ATP8B4: variants seen among roughly 807,000 people sequenced by gnomAD.
ATP8B4 encodes the protein ATPase phospholipid transporting 8B4 (putative).
In ATP8B4, 133 loss-of-function variants were observed where a neutral mutation model predicts 145.6. The observed-to-expected ratio is 0.91, with a 90% CI of 0.79 to 1.05. The LOEUF (loss-of-function observed/expected upper bound fraction) is 1.05, where lower values mean the gene tolerates loss of function less well. Ranked by LOEUF, ATP8B4 falls within the 50% of genes least tolerant of loss-of-function variation. ATP8B4 has a pLI of 0.00. For missense variants in ATP8B4, 1,458 were observed against 1,425.2 expected (o/e 1.02, Z -0.37); for synonymous variants, 507 against 492.9 (o/e 1.03, Z -0.38).
At chr15:50,077,285 T>C (rs574680489) in intron 2 of ATP8B4, among the ~76,000 whole-genome samples, 2 of 152,348 alleles carry the variant, frequency 1.3e-5, no homozygotes, top group African/African-American at 4.8e-5. Context: ...GCAAGTTGAG[T>C]CTGTCTTTTT....
intron 1 of ATP8B4, among the ~76,000 whole-genome samples, chr15:50,149,636 A>T (rs1362714005): frequency 6.6e-6 from 1 of 152,192 alleles, no homozygotes; most frequent in Non-Finnish European, 1.5e-5. Context: ...ATTAGAATGA[A>T]ATTCTAATAG....
intron 13 of ATP8B4, among the ~76,000 whole-genome samples, chr15:49,969,376 A>G (rs1171842606): frequency 6.6e-6 from 1 of 151,904 alleles, no homozygotes; most frequent in African/African-American, 2.4e-5. Context: ...ACAGACCACT[A>G]GCCAGAATAA....
intron 16 of ATP8B4, among the ~76,000 whole-genome samples, 193 bp from the exon 17 acceptor site, chr15:49,923,687 C>T (rs58343171): frequency 6.6e-6 from 1 of 152,192 alleles, no homozygotes; most frequent in Non-Finnish European, 1.5e-5. Flanking sequence ...TTAAGAAATG[C>T]TCCATCTACT....
rs2044358267 is a variant in ATP8B4 at position 50,152,284 on chromosome 15, G to A, written c.-43+29977C>T. ...GATGACAAAAACTTAGAATACCTGT[G>A]TTAAAAATCTGATGGAAGTGGATTA... On this transcript the variant is annotated intron_variant, in intron 1 of 3. Transcript: ENST00000558829. 2.0e-5 allele frequency among the ~76,000 whole-genome samples: 3 copies of A among 152,100 alleles called. No individual in the cohort carries two copies. In the South Asian group the frequency reaches 6.2e-4, roughly 32 times the overall value.
Position 50,163,362 on chromosome 15 carries a change from C to T in ATP8B4, c.-43+18899G>A, listed in dbSNP as rs114368731. On this transcript the variant is annotated intron_variant, in intron 1 of 3. Transcript: ENST00000558829. ...ATTGGGGGCACCCCAAGCCCAGTAACGTTGTGACTCTTGCAGACTCATACA... is the reference window on the plus strand; with the variant it reads ...ATTGGGGGCACCCCAAGCCCAGTAATGTTGTGACTCTTGCAGACTCATACA... Among the ~76,000 whole-genome samples, 938 of 152,362 alleles carry T rather than the reference C, an allele frequency of 6.2e-3. 10 individuals carry two copies. Among genetic ancestry groups the T allele is most frequent in the African/African-American group, 0.022 (907 of 41,578 alleles).
intron 9 of ATP8B4, among the ~76,000 whole-genome samples, chr15:49,989,693 C>T (rs1458296002): frequency 3.4e-5 from 5 of 147,926 alleles, no homozygotes; most frequent in Non-Finnish European, 6.0e-5. Flanking sequence ...AGTGTGGTCT[C>T]GGTGATGTAA....
intron 6 of ATP8B4, among the ~76,000 whole-genome samples, chr15:50,013,232 G>A (rs2048846807): frequency 6.6e-6 from 1 of 152,110 alleles, no homozygotes; most frequent in East Asian, 1.9e-4. Context: ...AAACATGAAA[G>A]CAGACACTCC....
intron 3 of ATP8B4, 114 bp from the exon 4 acceptor site, chr15:50,047,578 G>C (rs2051822389): frequency 1.4e-6 from 1 of 700,760 alleles, no homozygotes; most frequent in East Asian, 2.7e-5. Context: ...GGTTATCTAG[G>C]AAATTTCAAC....
At chr15:49,910,334 T>C (rs1429937474) in intron 20 of ATP8B4, among the ~76,000 whole-genome samples, 1 of 152,156 alleles carries the variant, frequency 6.6e-6, no homozygotes, top group Non-Finnish European at 1.5e-5. Flanking sequence ...AGACAAAGCC[T>C]ACATAACGTG....
intron 6 of ATP8B4, among the ~76,000 whole-genome samples, chr15:50,019,645 A>T (rs962233891): frequency 6.6e-6 from 1 of 152,150 alleles, no homozygotes; most frequent in African/African-American, 2.4e-5. Context: ...TTGACTGTCC[A>T]TGCTTTCTCC....
intron 14 of ATP8B4, among the ~76,000 whole-genome samples, chr15:49,940,602 A>C (rs2153476507): frequency 6.6e-6 from 1 of 152,272 alleles, no homozygotes; most frequent in Middle Eastern, 3.4e-3. Flanking sequence ...GACAAAGAAA[A>C]ATGAGGGTGG....
intron 3 of ATP8B4, among the ~76,000 whole-genome samples, chr15:50,072,477 A>G (rs2153633258): frequency 6.6e-6 from 1 of 152,314 alleles, no homozygotes; most frequent in Non-Finnish European, 1.5e-5. Flanking sequence ...AGCTTACAAC[A>G]GTGCCAGTCA....
intron 9 of ATP8B4, among the ~76,000 whole-genome samples, chr15:49,989,296 T>C (rs556499598): frequency 6.6e-6 from 1 of 152,302 alleles, no homozygotes; most frequent in South Asian, 2.1e-4. Flanking sequence ...TCATTCTGAA[T>C]TGTAAAATCT....
At chr15:50,169,643 C>T (rs1413713840) in intron 1 of ATP8B4, among the ~76,000 whole-genome samples, 1 of 152,168 alleles carries the variant, frequency 6.6e-6, no homozygotes, top group African/African-American at 2.4e-5. Context: ...CAAAAGATCA[C>T]ACTAGTTCAC....
At chr15:50,038,431 A>G (rs1437649572) in intron 6 of ATP8B4, among the ~76,000 whole-genome samples, 1 of 152,180 alleles carries the variant, frequency 6.6e-6, no homozygotes, top group African/African-American at 2.4e-5. Flanking sequence ...ACCAAATTAA[A>G]TAATTCACAC....
chr15:49,895,110 G>C (rs1172748682), intron 23 of ATP8B4: 5 of 152,374 alleles, frequency 3.3e-5, no homozygotes, highest in African/African-American at 1.2e-4. Flanking sequence ...AGGGCTGAAA[G>C]GATTTTAAAT....
intron 6 of ATP8B4, among the ~76,000 whole-genome samples, chr15:50,037,804 C>T (rs2050951523): frequency 6.6e-6 from 1 of 152,142 alleles, no homozygotes; most frequent in African/African-American, 2.4e-5. Context: ...GTCCTTTTTA[C>T]ACCATTTTCT....
chr15:49,862,567 C>T (rs1297164640), intron 26 of ATP8B4, among the ~76,000 whole-genome samples, 192 bp from the exon 27 acceptor site: 1 of 152,054 alleles, frequency 6.6e-6, no homozygotes, highest in East Asian at 1.9e-4. Flanking sequence ...TGCCATTCTC[C>T]TGCCTCAGCC....
intron 24 of ATP8B4, 89 bp from the exon 25 acceptor site, chr15:49,876,612 G>A (rs528398719): frequency 2.0e-5 from 30 of 1,535,048 alleles, no homozygotes; most frequent in Non-Finnish European, 2.3e-5. Flanking sequence ...GCAAATGCCT[G>A]TTTAAACATG....
Sources: gnomAD v4.1 joint callset for allele counts (sites outside exome capture counted in the v4.1 genomes callset) on GRCh38, gnomAD v4.1.1 for gene constraint, MANE v1.5 for transcripts, NCBI Gene and HGNC (gene_info 2026-07-23, HGNC 2026-07-21) for gene names.